Variants in DNAH14 observed in about 807,000 individuals in gnomAD.
DNAH14 encodes the protein dynein axonemal heavy chain 14.
A neutral mutation model predicts 520.9 loss-of-function variants in DNAH14; 478 were observed. The observed-to-expected ratio is 0.92, with a 90% confidence interval of 0.85 to 0.99. The LOEUF is 0.99. Ranked by LOEUF, DNAH14 falls within the 50% of genes least tolerant of loss-of-function variation. DNAH14 has a pLI of 0.00. For missense variants in DNAH14, 4,831 were observed against 5,234.5 expected, an observed-to-expected ratio of 0.92 and a Z score of 2.38; for synonymous variants, 1,581 against 1,757.2, an observed-to-expected ratio of 0.90 and a Z score of 2.51.
chr1:225,067,291 A>G (rs1006201562), intron 17 of DNAH14, among the ~76,000 whole-genome samples: 2 of 152,148 alleles, frequency 1.3e-5, no homozygotes, highest in African/African-American at 4.8e-5. Context: ...TGCACAGAAC[A>G]TGATCTCATT....
chr1:225,188,997 C>A (rs922026065), intron 37 of DNAH14, among the ~76,000 whole-genome samples: 5 of 151,968 alleles, frequency 3.3e-5, no homozygotes, highest in Middle Eastern at 6.8e-3. Flanking sequence ...TTGATAAATA[C>A]CCCTTATCAT....
At chr1:225,246,532 G>GA (rs1328653104) in intron 43 of DNAH14, among the ~76,000 whole-genome samples, 1 of 151,952 alleles carries the variant, frequency 6.6e-6, no homozygotes, top group Non-Finnish European at 1.5e-5. Context: ...AAATTTACCA[G>GA]AAAAAAACAA....
At chr1:224,945,478 C>T (rs962628912) in intron 1 of DNAH14, among the ~76,000 whole-genome samples, 8 of 152,192 alleles carry the variant, frequency 5.3e-5, no homozygotes, top group African/African-American at 1.9e-4. Flanking sequence ...CATCTGAAGC[C>T]TTCTCTCAAC....
At chr1:224,963,936 C>T (rs1396879375) in intron 4 of DNAH14, among the ~76,000 whole-genome samples, 1 of 152,114 alleles carries the variant, frequency 6.6e-6, no homozygotes, top group East Asian at 1.9e-4. Context: ...CTTCTCTTTC[C>T]ATGATTTGTT....
intron 1 of DNAH14, among the ~76,000 whole-genome samples, chr1:224,937,614 A>G (rs2059125890): frequency 6.6e-6 from 1 of 152,080 alleles, no homozygotes; most frequent in Non-Finnish European, 1.5e-5. Context: ...TATTAAAATG[A>G]CAATACTACC....
At chr1:224,958,883 G>A (rs2060674195) in intron 3 of DNAH14, among the ~76,000 whole-genome samples, 1 of 152,076 alleles carries the variant, frequency 6.6e-6, no homozygotes, top group African/African-American at 2.4e-5. Flanking sequence ...TCAATGAAGA[G>A]TGGAAGAATA....
At chr1:225,368,182 C>A in intron 77 of DNAH14, 150 bp downstream of exon 77, 1 of 707,354 alleles carries the variant, frequency 1.4e-6, no homozygotes, top group Non-Finnish European at 2.3e-6. Flanking sequence ...CGTTTAGAAA[C>A]ATGGTCTTTG....
intron 36 of DNAH14, among the ~76,000 whole-genome samples, chr1:225,180,427 A>G (rs1469789806): frequency 1.3e-5 from 2 of 152,192 alleles, no homozygotes; most frequent in Non-Finnish European, 2.9e-5. Context: ...TGATGGCTGA[A>G]AAGTTCAAGA....
At chr1:224,993,216 C>T (rs1363785991) in intron 8 of DNAH14, among the ~76,000 whole-genome samples, 1 of 151,984 alleles carries the variant, frequency 6.6e-6, no homozygotes, top group Non-Finnish European at 1.5e-5. Flanking sequence ...AGTGCTGGGC[C>T]TCATAAAAAG....
intron 9 of DNAH14, among the ~76,000 whole-genome samples, chr1:225,003,603 A>T (rs1030612906): frequency 6.6e-6 from 1 of 152,070 alleles, no homozygotes; most frequent in East Asian, 1.9e-4. Flanking sequence ...TCAACATCGT[A>T]TGTTTAGAAT....
At chr1:224,935,673 A>G (rs867247897) in intron 1 of DNAH14, among the ~76,000 whole-genome samples, 5 of 152,014 alleles carry the variant, frequency 3.3e-5, no homozygotes, top group Middle Eastern at 6.8e-3. Context: ...CAGAAAATCA[A>G]AAAAGAAACA....
chr1:225,105,999 T>C (rs1208115485), intron 23 of DNAH14, among the ~76,000 whole-genome samples: 3 of 134,620 alleles, frequency 2.2e-5, no homozygotes, highest in Non-Finnish European at 3.0e-5. Context: ...CAATTTGGCA[T>C]GTTTTTGCAG....
rs1157557561 is a variant in DNAH14, at chr1:224,964,464, A to G, written c.368-15A>G. On this transcript the variant is annotated splice_polypyrimidine_tract_variant and intron_variant, in intron 4 of 85. Coordinates refer to ENST00000682510, the MANE Select transcript of DNAH14 (RefSeq NM_001367479.1). Reference sequence around the variant, plus strand: ...ATTTGCACTTATACTGGATTTTTAAATTGTTCTATACCAGAACCAAAAGAT... The same window carrying G: ...ATTTGCACTTATACTGGATTTTTAAGTTGTTCTATACCAGAACCAAAAGAT... 1 of 1,589,786 alleles carries G rather than the reference A, an allele frequency of 6.3e-7. No homozygotes were observed. Among genetic ancestry groups the G allele is most frequent in the Non-Finnish European group, 8.6e-7 (1 of 1,168,204 alleles).
intron 10 of DNAH14, among the ~76,000 whole-genome samples, chr1:225,021,801 G>C (rs2065720712): frequency 6.6e-6 from 1 of 151,866 alleles, no homozygotes; most frequent in Non-Finnish European, 1.5e-5. Context: ...AATTTGTGTT[G>C]AACCAAAGAA....
At chr1:224,930,884 C>G (rs942993803) in intron 1 of DNAH14, among the ~76,000 whole-genome samples, 2 of 152,198 alleles carry the variant, frequency 1.3e-5, no homozygotes, top group African/African-American at 4.8e-5. Flanking sequence ...AGGCGTGAGC[C>G]ACGGCGCCCG....
intron 8 of DNAH14, among the ~76,000 whole-genome samples, chr1:225,000,499 CCTT>C (rs2063684892): frequency 1.3e-5 from 2 of 151,078 alleles, no homozygotes; most frequent in South Asian, 4.2e-4. Context: ...TTTAACCTCT[CCTT>C]CTGGGACTTC....
chr1:225,078,801 T>TCC (rs1558882828), intron 17 of DNAH14, among the ~76,000 whole-genome samples: 1 of 56,612 alleles, frequency 1.8e-5, no homozygotes, highest in African/African-American at 5.3e-5. Flanking sequence ...TCTCTCTCTC[T>TCC]CTCTCTCTCT....
intron 42 of DNAH14, among the ~76,000 whole-genome samples, chr1:225,235,225 A>G (rs1320445967): frequency 6.6e-6 from 1 of 152,184 alleles, no homozygotes; most frequent in Non-Finnish European, 1.5e-5. Context: ...TTCAATACCT[A>G]GTTTATTGAG....
chr1:225,190,726 G>C (rs1374785506), intron 37 of DNAH14, among the ~76,000 whole-genome samples: 1 of 152,012 alleles, frequency 6.6e-6, no homozygotes, highest in Non-Finnish European at 1.5e-5. Context: ...AAGACCACAT[G>C]AAGACACAGT....
Sources: gnomAD v4.1 joint callset for allele counts (sites outside exome capture counted in the v4.1 genomes callset) on GRCh38, gnomAD v4.1.1 for gene constraint, MANE v1.5 for transcripts, NCBI Gene and HGNC (gene_info 2026-07-23, HGNC 2026-07-21) for gene names.